The following LOXHD1 variants were observed in gnomAD, a reference collection of about 807,000 sequenced individuals.
The protein encoded by LOXHD1 is lipoxygenase homology PLAT domains 1, also known as lipoxygenase homology domain-containing protein 1.
Under a neutral mutation model 248.2 loss-of-function variants are expected in LOXHD1, and 205 were observed. The observed-to-expected ratio is 0.83, with a 90% confidence interval of 0.74 to 0.93. The LOEUF is 0.93. LOXHD1 is among the 40% of genes least tolerant of loss of function. The pLI is 0.00. For missense variants in LOXHD1, 2,930 were observed against 2,971.6 expected, an observed-to-expected ratio of 0.99 and a Z score of 0.33; for synonymous variants, 1,113 against 1,162.8, an observed-to-expected ratio of 0.96 and a Z score of 0.87.
At chr18:46,522,607 A>G (rs925559453) in intron 31 of LOXHD1, among the ~76,000 whole-genome samples, 2 of 152,212 alleles carry the variant, frequency 1.3e-5, no homozygotes, top group African/African-American at 4.8e-5. Context: ...ACCTAGCACT[A>G]TTATGTGAAG....
intron 8 of LOXHD1, among the ~76,000 whole-genome samples, chr18:46,597,470 T>C (rs140778867): frequency 1.1e-4 from 17 of 152,142 alleles, no homozygotes; most frequent in Middle Eastern, 6.8e-3. Context: ...CCTCAAACTA[T>C]ATAAAGCAAA....
chr18:46,643,625 T>C (rs1345045351), intron 2 of LOXHD1, among the ~76,000 whole-genome samples: 1 of 152,122 alleles, frequency 6.6e-6, no homozygotes. Flanking sequence ...TGTCAATAAC[T>C]TGGAGAATGT....
rs2035762348 is a variant in LOXHD1 at position 46,524,974 on chromosome 18, C to A, written c.4531-57G>T. On this transcript the variant is annotated intron_variant, in intron 29 of 40. Coordinates refer to ENST00000642948, the MANE Select transcript of LOXHD1 (RefSeq NM_001384474.1). ...GGGTGTGCCACCCACTCAACCCACT[C>A]CAGCCCCACCCTTCTGGGACCTTCC... 5.9e-6 allele frequency: 9 copies of A among 1,530,068 alleles called. No individual in the cohort carries two copies. The South Asian group carries it at 1.1e-4, about 18-fold the overall frequency. The allele number at this position is 1,530,068 out of a possible 1,614,324, so 94.8% of individuals were successfully genotyped here. A position where few individuals can be genotyped will look rare whatever the true frequency, so the allele number is the denominator to read the frequency against.
intron 6 of LOXHD1, among the ~76,000 whole-genome samples, chr18:46,604,996 C>T (rs1032434511): frequency 6.6e-6 from 1 of 152,058 alleles, no homozygotes; most frequent in Non-Finnish European, 1.5e-5. Context: ...CTTAAATATA[C>T]ACAAAAAAAT....
intron 26 of LOXHD1, among the ~76,000 whole-genome samples, chr18:46,536,349 C>G (rs1320242061): frequency 2.6e-5 from 4 of 152,040 alleles, no homozygotes; most frequent in African/African-American, 9.7e-5. Flanking sequence ...GTTACCGACT[C>G]CGCAATTCAG....
At chr18:46,533,662 G>C in intron 27 of LOXHD1, 1 of 329,842 alleles carries the variant, frequency 3.0e-6, no homozygotes. Context: ...GGTGGCTCAT[G>C]CCTGTAATCT....
intron 18 of LOXHD1, among the ~76,000 whole-genome samples, 165 bp from the exon 19 acceptor site, chr18:46,560,710 C>T (rs1238684994): frequency 6.6e-6 from 1 of 152,204 alleles, no homozygotes. Context: ...TCCCTCTCTC[C>T]GGCCACACCT....
chr18:46,534,570 C>A, intron 26 of LOXHD1, 119 bp from the exon 27 acceptor site: 1 of 737,626 alleles, frequency 1.4e-6, no homozygotes. Flanking sequence ...CCTCCTGATA[C>A]GTCTCCACTA....
Position 46,483,713 on chromosome 18 carries a change from A to G in LOXHD1, c.6215T>C (p.Ile2072Thr). 6.4e-7 allele frequency: 1 copy of G among 1,551,694 alleles called. No individual in the cohort carries two copies. The highest frequency in any genetic ancestry group is 8.7e-7 in the Non-Finnish European group (1 of 1,146,992). The change falls in exon 40 of 41, where the codon ATC becomes ACC. Residue 2072 changes from isoleucine to threonine, a missense_variant. Physicochemically the swap from Ile to Thr is moderately conservative, Grantham distance 89 (BLOSUM62 -1). Coordinates refer to ENST00000642948, the MANE Select transcript of LOXHD1 (RefSeq NM_001384474.1). The stretch of plus-strand genomic sequence containing the variant: ...GAGGGAGGCAATGTCCCCCAAGTAG[A>G]TGCTGTCAAACTCAAACGTGTCTGT... ...GTTDTFEFDS[I>T]YLGDIASLCV...
At chr18:46,573,481 C>A (rs572029381) in intron 14 of LOXHD1, among the ~76,000 whole-genome samples, 1 of 152,202 alleles carries the variant, frequency 6.6e-6, no homozygotes, top group Admixed American at 6.5e-5. Flanking sequence ...AGACATTTGT[C>A]TCTCAACCAA....
intron 37 of LOXHD1, among the ~76,000 whole-genome samples, chr18:46,495,190 C>A (rs997266755): frequency 6.6e-6 from 1 of 152,148 alleles, no homozygotes; most frequent in East Asian, 1.9e-4. Context: ...CACATAAATT[C>A]TTTCTTTCCT....
chr18:46,551,262 CT>C (rs1178561739), intron 21 of LOXHD1, among the ~76,000 whole-genome samples: 5 of 152,054 alleles, frequency 3.3e-5, no homozygotes, highest in Non-Finnish European at 5.9e-5. Context: ...ACCACCACGT[CT>C]GGCTAATTTT....
chr18:46,583,644 C>T (rs980961438), intron 12 of LOXHD1, among the ~76,000 whole-genome samples: 4 of 152,018 alleles, frequency 2.6e-5, no homozygotes, highest in African/African-American at 9.6e-5. Flanking sequence ...GTGAAATATA[C>T]CATCTTGCTC....
At chr18:46,517,322 G>T (rs1276396092) in intron 34 of LOXHD1, among the ~76,000 whole-genome samples, 3 of 152,166 alleles carry the variant, frequency 2.0e-5, no homozygotes, top group Non-Finnish European at 4.4e-5. Flanking sequence ...ACTAATGAGT[G>T]ATTAGGACTG....
intron 37 of LOXHD1, among the ~76,000 whole-genome samples, chr18:46,491,434 C>T (rs2033467313): frequency 6.6e-6 from 1 of 152,234 alleles, no homozygotes; most frequent in Non-Finnish European, 1.5e-5. Context: ...AACTAGCTCC[C>T]AGGCGAGGTC....
At chr18:46,610,402 G>C (rs1371682986) in intron 6 of LOXHD1, among the ~76,000 whole-genome samples, 6 of 149,748 alleles carry the variant, frequency 4.0e-5, no homozygotes, top group Non-Finnish European at 8.9e-5. Context: ...GCCTGTCGGG[G>C]GCTGGGGGGC....
rs1157838824 is a variant in LOXHD1 at position 46,642,055 on chromosome 18, G to C, written c.246-19C>G. 1 of 1,550,854 alleles carries C rather than the reference G, an allele frequency of 6.4e-7. No individual in the cohort carries two copies. The highest frequency in any genetic ancestry group is 1.2e-5 in the South Asian group (1 of 84,034). On this transcript the variant is annotated intron_variant, in intron 2 of 40. Coordinates refer to ENST00000642948, the MANE Select transcript of LOXHD1 (RefSeq NM_001384474.1). ...CTTGCTCCTGCAATGAACACGTGCA[G>C]TTAGTGCAGATCAGCTGTTGGCTCA...
At chr18:46,529,449 T>C (rs541596637) in intron 28 of LOXHD1, 118 bp from the exon 29 acceptor site, 101 of 1,162,952 alleles carry the variant, frequency 8.7e-5, no homozygotes, top group Non-Finnish European at 1.0e-4. Flanking sequence ...CCTCAAGGGG[T>C]TAATGCCTTC....
intron 4 of LOXHD1, among the ~76,000 whole-genome samples, chr18:46,629,067 G>T (rs1184233164): frequency 1.3e-5 from 2 of 152,130 alleles, no homozygotes; most frequent in Non-Finnish European, 2.9e-5. Context: ...ATCTCCTTTT[G>T]CCCCCATGGA....
Sources: gnomAD v4.1 joint callset for allele counts (sites outside exome capture counted in the v4.1 genomes callset) on GRCh38, gnomAD v4.1.1 for gene constraint, MANE v1.5 for transcripts, NCBI Gene and HGNC (gene_info 2026-07-23, HGNC 2026-07-21) for gene names.